MACF1: variants seen among roughly 807,000 people sequenced by gnomAD.
The protein encoded by MACF1 is microtubule-actin cross-linking factor 1.
In MACF1, 193 loss-of-function variants were observed where a neutral mutation model predicts 854.8. The observed-to-expected ratio is 0.23, with a 90% confidence interval of 0.20 to 0.25. The LOEUF (loss-of-function observed/expected upper bound fraction) is 0.25, where lower values mean the gene tolerates loss of function less well. Ranked by LOEUF, MACF1 falls within the 10% of genes least tolerant of loss-of-function variation. The pLI is 1.00. For missense variants in MACF1, 7,722 were observed against 8,929.1 expected (o/e 0.86, Z 5.45); for synonymous variants, 3,185 against 3,226.7 (o/e 0.99, Z 0.44).
intron 58 of MACF1, chr1:39,414,087 G>A: frequency 6.2e-7 from 1 of 1,606,056 alleles, no homozygotes; most frequent in Middle Eastern, 1.7e-4. Flanking sequence ...CAGCTTCAGT[G>A]CCCACCCCCG....
chr1:39,301,589 C>T (rs555872905), intron 22 of MACF1, among the ~76,000 whole-genome samples: 5 of 151,562 alleles, frequency 3.3e-5, no homozygotes, highest in South Asian at 2.1e-4. Flanking sequence ...TCACGCCCAG[C>T]TAATTTTTTG....
At chr1:39,268,744 C>T (rs1571240233) in intron 6 of MACF1, 1 of 1,288,738 alleles carries the variant, frequency 7.8e-7, no homozygotes, top group South Asian at 1.2e-5. Context: ...GAGTCAATAG[C>T]TATTCCTGAG....
chr1:39,113,103 C>G (rs1462099449), intron 2 of MACF1, among the ~76,000 whole-genome samples: 3 of 152,148 alleles, frequency 2.0e-5, no homozygotes, highest in Non-Finnish European at 4.4e-5. Flanking sequence ...ATTAATCCTG[C>G]CCATCACATA....
At chr1:39,295,553 C>T (rs1184601014) in intron 19 of MACF1, among the ~76,000 whole-genome samples, 1 of 152,218 alleles carries the variant, frequency 6.6e-6, no homozygotes, top group South Asian at 2.1e-4. Context: ...CATTTACTTA[C>T]AACTGAGTGT....
At position 39,105,441 on chromosome 1, in the gene MACF1, G is replaced by A; in HGVS notation, c.220+21003G>A. 5.0e-6 allele frequency: 5 copies of A among 994,420 alleles called. No individual in the cohort carries two copies. The highest frequency in any genetic ancestry group is 6.0e-6 in the Non-Finnish European group (5 of 837,486). The allele number at this position is 994,420 out of a possible 1,614,324, so 61.6% of individuals were successfully genotyped here. On this transcript the variant is annotated intron_variant, in intron 2 of 93. Transcript: ENST00000361689. The surrounding 1 kb of genome is among the most constrained non-coding windows in gnomAD (Gnocchi z 5.9). ...GGCGGAGCGCGAGCGGGCCGGGTGC[G>A]AGCGGACTGAGGAGCGGAGCGCGAC...
intron 5 of MACF1, among the ~76,000 whole-genome samples, chr1:39,255,915 T>G (rs1645091997): frequency 6.6e-6 from 1 of 152,056 alleles, no homozygotes; most frequent in Non-Finnish European, 1.5e-5. Context: ...GTGGCTTTGG[T>G]TACTATGATA....
In MACF1 at chr1:39,427,629, C is replaced by T. The variant is rs1263709679; in HGVS notation, c.16476+15C>T. On this transcript the variant is annotated intron_variant, in intron 62 of 100. Transcript: ENST00000564288. The stretch of plus-strand genomic sequence containing the variant: ...TTCGGCACAAGGTAGGGAGTGGTTA[C>T]AGTAAATGAAAATAGAAAACTGGAA... 1 of 1,600,378 alleles carries T rather than the reference C, an allele frequency of 6.2e-7. No homozygotes were observed. Among genetic ancestry groups the T allele is most frequent in the Non-Finnish European group, 8.5e-7 (1 of 1,174,994 alleles).
chr1:39,459,610 G>T (rs1396550069), intron 91 of MACF1, among the ~76,000 whole-genome samples: 1 of 152,148 alleles, frequency 6.6e-6, no homozygotes, highest in African/African-American at 2.4e-5. Flanking sequence ...AATGACCCTT[G>T]TTGAGCCTTT....
intron 36 of MACF1, 61 bp downstream of exon 36, chr1:39,327,414 C>A: frequency 6.7e-7 from 1 of 1,495,644 alleles, no homozygotes; most frequent in South Asian, 1.3e-5. Flanking sequence ...ATGAAGGCAG[C>A]TTTGCTGATT....
intron 38 of MACF1, among the ~76,000 whole-genome samples, chr1:39,340,030 G>C (rs978112523): frequency 6.6e-6 from 1 of 152,198 alleles, no homozygotes; most frequent in Non-Finnish European, 1.5e-5. Context: ...GCTGGTTGGG[G>C]TTAGCTTTGT....
Position 39,358,727 on chromosome 1 carries a change from C to G in MACF1, c.11974C>G (p.Leu3992Val). 6.2e-7 allele frequency: 1 copy of G among 1,614,114 alleles called. No individual in the cohort carries two copies. Among genetic ancestry groups the G allele is most frequent in the Non-Finnish European group, 8.5e-7 (1 of 1,180,004 alleles). The stretch of plus-strand genomic sequence containing the variant: ...ACGATTAGGATCTCACCTGAATATG[C>G]TGTTAGGCCAGTATCATCAATTCCA... ...CTRLGSHLNM[L>V]LGQYHQFQNS... Residue 3992 changes from leucine (L) to valine (V), a missense_variant, in exon 46 of 101, where the codon CTG (leucine) becomes GTG (valine). Coordinates refer to ENST00000564288, the MANE Select transcript of MACF1 (RefSeq NM_001394062.1).
chr1:39,320,037 T>C (rs953567297), intron 31 of MACF1, among the ~76,000 whole-genome samples: 1 of 152,226 alleles, frequency 6.6e-6, no homozygotes, highest in Non-Finnish European at 1.5e-5. Flanking sequence ...TAAATATGCT[T>C]CTTACTTGTC....
At chr1:39,317,765 G>A (rs956120321) in intron 29 of MACF1, among the ~76,000 whole-genome samples, 1 of 152,154 alleles carries the variant, frequency 6.6e-6, no homozygotes, top group Non-Finnish European at 1.5e-5. Context: ...TTTTATGATG[G>A]AGCTTTACAG....
chr1:39,314,648 C>T (rs1198088070), intron 26 of MACF1, among the ~76,000 whole-genome samples: 4 of 151,172 alleles, frequency 2.6e-5, no homozygotes, highest in Non-Finnish European at 4.4e-5. Flanking sequence ...GTTCCCAACC[C>T]ATAGCACAGG....
chr1:39,394,265 TGA>T (rs1491133602), intron 58 of MACF1, among the ~76,000 whole-genome samples: 11 of 149,334 alleles, frequency 7.4e-5, no homozygotes, highest in African/African-American at 1.5e-4. Context: ...ATTGATTGAT[TGA>T]TTGATTGATT....
chr1:39,395,023 A>G (rs1243457789), intron 58 of MACF1, among the ~76,000 whole-genome samples: 2 of 152,048 alleles, frequency 1.3e-5, no homozygotes, highest in Non-Finnish European at 2.9e-5. Context: ...TAAAGACAGT[A>G]TCCTAAAATG....
intron 58 of MACF1, among the ~76,000 whole-genome samples, chr1:39,403,337 G>C (rs1642557226): frequency 6.6e-6 from 1 of 152,158 alleles, no homozygotes; most frequent in Non-Finnish European, 1.5e-5. Flanking sequence ...GACCTCAGGT[G>C]ATCTGCCTGT....
At chr1:39,168,475 G>A (rs1643904171) in intron 2 of MACF1, among the ~76,000 whole-genome samples, 1 of 152,094 alleles carries the variant, frequency 6.6e-6, no homozygotes, top group Non-Finnish European at 1.5e-5. Flanking sequence ...GGCAGGGCTG[G>A]GTTCAAATAT....
chr1:39,137,941 G>C (rs1019725371), intron 2 of MACF1, among the ~76,000 whole-genome samples: 30 of 151,994 alleles, frequency 2.0e-4, no homozygotes, highest in Non-Finnish European at 3.8e-4. Flanking sequence ...GGGCATGGTA[G>C]CACGAGCCTA....
Sources: gnomAD v4.1 joint callset for allele counts (sites outside exome capture counted in the v4.1 genomes callset) on GRCh38, gnomAD v4.1.1 for gene constraint, Gnocchi (gnomAD v3.1) non-coding constraint, MANE v1.5 for transcripts, NCBI Gene and HGNC (gene_info 2026-07-23, HGNC 2026-07-21) for gene names.